HPSE2: variants seen among roughly 807,000 people sequenced by gnomAD.
HPSE2 encodes the protein inactive heparanase-2.
HPSE2 carries 38 observed loss-of-function variants against 60.5 expected under a neutral mutation model. The observed-to-expected ratio is 0.63, with a 90% CI of 0.48 to 0.82. HPSE2 has a LOEUF of 0.82. Among genes scored for constraint, HPSE2 ranks in the 40% least tolerant of loss-of-function variants. HPSE2 has a pLI of 0.00. For synonymous variants in HPSE2, 295 were observed against 293.2 expected (o/e 1.01, Z -0.06); for missense variants, 713 against 740.4 (o/e 0.96, Z 0.43).
chr10:98,748,097 G>A (rs937585329), intron 3 of HPSE2, among the ~76,000 whole-genome samples: 5 of 152,066 alleles, frequency 3.3e-5, no homozygotes, highest in African/African-American at 1.2e-4. Context: ...TCAGGAGTTC[G>A]AGACCAGCCT....
At chr10:98,724,549 T>C (rs1949018685) in intron 4 of HPSE2, among the ~76,000 whole-genome samples, 1 of 152,178 alleles carries the variant, frequency 6.6e-6, no homozygotes, top group Non-Finnish European at 1.5e-5. Flanking sequence ...TTGATCTGTC[T>C]AATGTTGACA....
chr10:98,882,970 A>G (rs1488179153), intron 3 of HPSE2, among the ~76,000 whole-genome samples: 1 of 152,104 alleles, frequency 6.6e-6, no homozygotes, highest in Admixed American at 6.6e-5. Context: ...GATGCCGAAG[A>G]TTGTATACTT....
intron 3 of HPSE2, among the ~76,000 whole-genome samples, chr10:98,971,695 T>C (rs1429685345): frequency 6.6e-6 from 1 of 152,172 alleles, no homozygotes; most frequent in Non-Finnish European, 1.5e-5. Flanking sequence ...TGCATTCTCC[T>C]TGAAATGAAC....
intron 3 of HPSE2, among the ~76,000 whole-genome samples, chr10:98,900,478 T>C (rs1000432877): frequency 2.0e-5 from 3 of 152,122 alleles, no homozygotes; most frequent in African/African-American, 7.2e-5. Context: ...GGATATACAG[T>C]ACATGTTCAT....
At chr10:98,699,671 G>A (rs1468338717) in intron 5 of HPSE2, among the ~76,000 whole-genome samples, 5 of 126,622 alleles carry the variant, frequency 3.9e-5, no homozygotes, top group Non-Finnish European at 8.5e-5. Flanking sequence ...GAAATAAAGG[G>A]TATTCAATTA....
At chr10:98,459,827 G>A (rs1940207227) in intron 11 of HPSE2, 88 bp from the exon 12 acceptor site, 1 of 1,219,300 alleles carries the variant, frequency 8.2e-7, no homozygotes, top group South Asian at 1.3e-5. Context: ...GCCTGGCAGT[G>A]TCTGATACAC....
At chr10:98,952,586 C>T (rs924224316) in intron 3 of HPSE2, among the ~76,000 whole-genome samples, 9 of 152,034 alleles carry the variant, frequency 5.9e-5, no homozygotes, top group African/African-American at 1.9e-4. Context: ...CCACTGAGGA[C>T]AAAAACATTG....
chr10:99,159,295 T>C (rs1846724948), intron 2 of HPSE2, among the ~76,000 whole-genome samples: 1 of 152,026 alleles, frequency 6.6e-6, no homozygotes, highest in Non-Finnish European at 1.5e-5. Flanking sequence ...ATTACCAAAA[T>C]TGATAGGGAG....
the HPSE2 span, among the ~76,000 whole-genome samples, chr10:99,256,117 A>T: frequency 6.6e-6 from 1 of 151,646 alleles, no homozygotes; most frequent in Non-Finnish European, 1.5e-5. Context: ...TGCCCCCATG[A>T]TCCAATCACC....
intron 3 of HPSE2, among the ~76,000 whole-genome samples, chr10:98,790,194 T>C (rs1950625493): frequency 6.6e-6 from 1 of 152,246 alleles, no homozygotes; most frequent in Admixed American, 6.5e-5. Flanking sequence ...TATTCCATTG[T>C]GTATATGTGC....
At chr10:99,095,819 C>G (rs1589647823) in intron 3 of HPSE2, among the ~76,000 whole-genome samples, 1 of 152,142 alleles carries the variant, frequency 6.6e-6, no homozygotes, top group East Asian at 1.9e-4. Flanking sequence ...GCAATTATGA[C>G]TAATGCTGTT....
At chr10:98,702,280 A>C (rs1948430519) in intron 5 of HPSE2, among the ~76,000 whole-genome samples, 1 of 152,222 alleles carries the variant, frequency 6.6e-6, no homozygotes. Flanking sequence ...ATATAAATGC[A>C]CCCAATACAG....
chr10:99,256,377 G>GTGGGTTGCCC, the HPSE2 span, among the ~76,000 whole-genome samples: 1,172 of 128,434 alleles, frequency 9.1e-3, no homozygotes, highest in Middle Eastern at 0.023. Context: ...ATGTGTAGGG[G>GTGGGTTGCCC]CAACCCACCC....
chr10:98,731,289 A>G (rs1466997044), intron 4 of HPSE2, among the ~76,000 whole-genome samples: 1 of 152,016 alleles, frequency 6.6e-6, no homozygotes, highest in Non-Finnish European at 1.5e-5. Context: ...AAAAACAACA[A>G]CAACAACAAC....
intron 2 of HPSE2, among the ~76,000 whole-genome samples, chr10:99,189,918 C>G (rs1848161297): frequency 6.6e-6 from 1 of 152,180 alleles, no homozygotes; most frequent in South Asian, 2.1e-4. Flanking sequence ...AGAGAGGGCC[C>G]AAGGGCTGCT....
chr10:99,170,750 G>A (rs1172504368), intron 2 of HPSE2, among the ~76,000 whole-genome samples: 3 of 152,150 alleles, frequency 2.0e-5, no homozygotes, highest in African/African-American at 7.2e-5. Context: ...TGTTTGGCTT[G>A]GCTGATTCTT....
At chr10:98,660,170 G>T (rs1947184660) in intron 6 of HPSE2, among the ~76,000 whole-genome samples, 1 of 152,160 alleles carries the variant, frequency 6.6e-6, no homozygotes. Flanking sequence ...GAAAAGAATG[G>T]TCATGTGTTA....
intron 9 of HPSE2, among the ~76,000 whole-genome samples, chr10:98,521,955 G>T (rs752929751): frequency 6.6e-6 from 1 of 152,078 alleles, no homozygotes; most frequent in Non-Finnish European, 1.5e-5. Context: ...GACACAGGGC[G>T]GGGAACATCA....
At chr10:99,289,115 G>A in the HPSE2 span, among the ~76,000 whole-genome samples, 101 of 152,240 alleles carry the variant, frequency 6.6e-4, no homozygotes, top group African/African-American at 2.2e-3. Flanking sequence ...TGGGTCATAG[G>A]AGAGGCAATT....
Sources: gnomAD v4.1 joint callset for allele counts (sites outside exome capture counted in the v4.1 genomes callset) on GRCh38, gnomAD v4.1.1 for gene constraint, MANE v1.5 for transcripts, NCBI Gene and HGNC (gene_info 2026-07-23, HGNC 2026-07-21) for gene names.